The following SCN9A variants were observed in gnomAD, a reference collection of about 807,000 sequenced individuals.
The protein encoded by SCN9A is sodium channel protein type 9 subunit alpha.
A neutral mutation model predicts 187.0 loss-of-function variants in SCN9A; 131 were observed. The ratio of observed to expected loss-of-function variants is 0.70; its 90% CI spans 0.61 to 0.81. The LOEUF is 0.81. Ranked by LOEUF, SCN9A falls within the 30% of genes least tolerant of loss-of-function variation. The pLI is 0.00. For missense variants in SCN9A, 2,252 were observed against 2,396.6 expected (o/e 0.94, Z 1.26); for synonymous variants, 809 against 808.6 (o/e 1.00, Z -0.01).
intron 9 of SCN9A, 130 bp downstream of exon 9, chr2:166,293,101 A>G (rs1218026196): frequency 6.8e-6 from 5 of 732,744 alleles, no homozygotes; most frequent in Admixed American, 2.9e-5. Context: ...AACACTTATA[A>G]TTTTGGTAAT....
In SCN9A at chr2:166,278,798, A is replaced by G. The variant is rs149155187; in HGVS notation, c.2344-485T>C. 4.2e-3 allele frequency among the ~76,000 whole-genome samples: 637 copies of G among 152,320 alleles called. 2 individuals carry two copies. The highest frequency in any genetic ancestry group is 5.5e-3 in the Non-Finnish European group (371 of 68,030). ...ATCAGCAGAAGAGAAAAAAGTATTT[A>G]ATTGACAATGTGGCAGCTAAAGTAA... On this transcript the variant is annotated intron_variant, in intron 14 of 26. Coordinates refer to ENST00000642356, the MANE Select transcript of SCN9A (RefSeq NM_001365536.1).
Position 166,281,696 on chromosome 2 carries a change from A to T in SCN9A, c.2087T>A (p.Leu696Ter), listed in dbSNP as rs757584694. 2 of 1,613,206 alleles carry T rather than the reference A, an allele frequency of 1.2e-6. No homozygotes were observed. The highest frequency in any genetic ancestry group is 1.7e-6 in the Non-Finnish European group (2 of 1,179,420). Residue 696 changes from leucine to a stop codon, truncating the protein, a stop_gained, in exon 13 of 27, where the codon TTA (leucine) becomes TAA (stop). Transcript: ENST00000642356. LOFTEE classifies it high-confidence loss of function. ...RQRAMSRASI[L>*]TNTVEELEES... ...TTACATACCTTCCACAGTGTTTGTT[A>T]ATATGCTTGCTCTACTCATTGCTCT...
At position 166,233,456 on chromosome 2, in the gene SCN9A, A is replaced by C; in HGVS notation, c.3808T>G (p.Leu1270Val). ...WLDFLIVDVS[L>V]VTLVANTLGY... ...AGAGTGTTTGCCACTAAAGTAACCA[A>C]AGAAACCTATAAAAATAACATTTTC... is the stretch of plus-strand genomic sequence containing the variant. The change falls in exon 21 of 27, where the codon TTG (leucine) becomes GTG (valine). Residue 1270 changes from leucine (L) to valine (V), a missense_variant. Physicochemically the swap from Leu to Val is conservative, Grantham distance 32. Around this residue, in one of 7 missense-constraint regions of SCN9A, gnomAD observed 368 missense variants for 408.6 expected, o/e 0.90. Transcript: ENST00000642356. 6.4e-7 allele frequency: 1 copy of C among 1,566,834 alleles called. No homozygotes were observed. Among genetic ancestry groups the C allele is most frequent in the Non-Finnish European group, 8.6e-7 (1 of 1,165,724 alleles).
intron 19 of SCN9A, among the ~76,000 whole-genome samples, chr2:166,242,175 CTCTT>C (rs1574788975): frequency 6.6e-6 from 1 of 152,148 alleles, no homozygotes; most frequent in African/African-American, 2.4e-5. Context: ...CTAACCTTCT[CTCTT>C]TGTTCTACAG....
At chr2:166,201,158 C>T (rs1041381586) in intron 26 of SCN9A, among the ~76,000 whole-genome samples, 36 of 149,910 alleles carry the variant, frequency 2.4e-4, no homozygotes, top group African/African-American at 7.1e-4. Flanking sequence ...CTTGGGTCAA[C>T]AGTATATATA....
chr2:166,227,821 G>C (rs1694903895), intron 22 of SCN9A, 98 bp from the exon 23 acceptor site: 1 of 699,464 alleles, frequency 1.4e-6, no homozygotes, highest in Non-Finnish European at 2.6e-6. Context: ...CAATTATTAA[G>C]TAATACTAGT....
intron 1 of SCN9A, among the ~76,000 whole-genome samples, chr2:166,320,054 A>G (rs1489288658): frequency 1.3e-5 from 2 of 152,204 alleles, no homozygotes; most frequent in African/African-American, 2.4e-5. Context: ...CTCATTTTCA[A>G]ATTAGAAAGT....
At chr2:166,224,370 A>C (rs1320785212) in intron 24 of SCN9A, among the ~76,000 whole-genome samples, 2 of 152,080 alleles carry the variant, frequency 1.3e-5, no homozygotes, top group Non-Finnish European at 2.9e-5. Flanking sequence ...ATAATGCAAT[A>C]TTTACTAAAT....
Position 166,204,223 on chromosome 2 carries a change from G to T in SCN9A, c.4506C>A (p.Asn1502Lys), listed in dbSNP as rs1693682418. The T allele has an allele frequency of 6.2e-7, 1 of 1,607,758 alleles. No homozygotes were observed. Among genetic ancestry groups the T allele is most frequent in the South Asian group, 1.1e-5 (1 of 90,166 alleles). ...KPQKPIPRPGNKIQGCIFDLV... is the reference protein window; with the variant it reads ...KPQKPIPRPGKKIQGCIFDLV... The stretch of plus-strand genomic sequence containing the variant: ...GGTCAAATATACATCCTTGGATTTT[G>T]TTCTGCAAAGAAATAAGAATAATAT... Residue 1502 changes from asparagine (N) to lysine (K), a missense_variant and splice_region_variant, in exon 26 of 27, where the codon AAC becomes AAA. Asn to Lys is a moderately conservative substitution (Grantham distance 94, BLOSUM62 0). Coordinates refer to ENST00000642356, the MANE Select transcript of SCN9A (RefSeq NM_001365536.1).
rs111948101 is a variant in SCN9A at position 166,335,518 on chromosome 2, T to C, written c.-50-23712A>G. ...ACTGGAGTAAGACTGCCGTTGACCTTCTAAATTTTGGAAACATGGTCACTA... is the reference window on the plus strand; with the variant it reads ...ACTGGAGTAAGACTGCCGTTGACCTCCTAAATTTTGGAAACATGGTCACTA... On this transcript the variant is annotated intron_variant, in intron 1 of 26. Coordinates refer to ENST00000642356, the MANE Select transcript of SCN9A (RefSeq NM_001365536.1). Among the ~76,000 whole-genome samples the C allele has an allele frequency of 9.2e-3, 1,396 of 152,164 alleles. 31 individuals carry two copies. The highest frequency in any genetic ancestry group is 0.031 in the African/African-American group (1,268 of 41,534).
intron 7 of SCN9A, chr2:166,296,094 T>G (rs1046570512): frequency 1.1e-4 from 16 of 152,344 alleles, no homozygotes; most frequent in African/African-American, 3.4e-4. Context: ...AAATCAGATA[T>G]TCTTGGATTT....
chr2:166,206,109 T>G (rs1486809062), intron 24 of SCN9A, among the ~76,000 whole-genome samples: 1 of 152,168 alleles, frequency 6.6e-6, no homozygotes, highest in Non-Finnish European at 1.5e-5. Flanking sequence ...AGTGTGATGA[T>G]TCCTCAAGAA....
intron 1 of SCN9A, among the ~76,000 whole-genome samples, chr2:166,343,848 C>T (rs998992052): frequency 1.1e-4 from 17 of 151,928 alleles, no homozygotes; most frequent in African/African-American, 4.1e-4. Flanking sequence ...GCAATTATCC[C>T]CATCTTCATT....
In SCN9A at chr2:166,204,382, T is replaced by G; in HGVS notation, c.4481A>C (p.Gln1494Pro). The change falls in exon 25 of 27, where the codon CAA becomes CCA. Residue 1494 changes from glutamine (Q) to proline (P), a missense_variant. Transcript: ENST00000642356. ...AMKKLGSKKP[Q>P]KPIPRPGNKI... is the part of the protein sequence containing the mutation. ...TACCCCTGGTCGAGGAATTGGCTTTTGTGGCTTCTTGGACCCCAGCTTTTT... is the reference window on the plus strand; with the variant it reads ...TACCCCTGGTCGAGGAATTGGCTTTGGTGGCTTCTTGGACCCCAGCTTTTT... 6.2e-7 allele frequency: 1 copy of G among 1,609,714 alleles called. No homozygotes were observed. Among genetic ancestry groups the G allele is most frequent in the South Asian group, 1.1e-5 (1 of 89,830 alleles).
chr2:166,322,000 T>C (rs559882854), intron 1 of SCN9A, among the ~76,000 whole-genome samples: 9 of 152,078 alleles, frequency 5.9e-5, no homozygotes, highest in Non-Finnish European at 1.3e-4. Flanking sequence ...AGAGTTACAT[T>C]AGGTCTTTCC....
intron 1 of SCN9A, among the ~76,000 whole-genome samples, chr2:166,317,693 T>G (rs1699141580): frequency 6.6e-6 from 1 of 152,214 alleles, no homozygotes; most frequent in Admixed American, 6.5e-5. Flanking sequence ...AGCATCTATT[T>G]TTCTTCACAC....
chr2:166,217,496 A>C (rs1404165938), intron 24 of SCN9A, among the ~76,000 whole-genome samples: 2 of 152,072 alleles, frequency 1.3e-5, no homozygotes, highest in Non-Finnish European at 2.9e-5. Flanking sequence ...ATACATAAAA[A>C]GCTCAAGCAA....
At chr2:166,348,869 T>C (rs1417493994) in intron 1 of SCN9A, among the ~76,000 whole-genome samples, 3 of 152,106 alleles carry the variant, frequency 2.0e-5, no homozygotes, top group Admixed American at 2.0e-4. Flanking sequence ...CTCACGTCTG[T>C]AATCCCAACA....
At chr2:166,322,957 G>A (rs1168213368) in intron 1 of SCN9A, among the ~76,000 whole-genome samples, 1 of 152,136 alleles carries the variant, frequency 6.6e-6, no homozygotes, top group Non-Finnish European at 1.5e-5. Context: ...CAATACAAGA[G>A]TATCCCTAGA....
Sources: allele counts gnomAD v4.1 joint callset (sites outside exome capture counted in the v4.1 genomes callset), GRCh38; gene constraint gnomAD v4.1.1; regional missense constraint gnomAD v4.1.1; transcripts MANE v1.5; gene names NCBI Gene and HGNC (gene_info 2026-07-23, HGNC 2026-07-21).